The following ATAD3C variants were observed in gnomAD, a reference collection of about 807,000 sequenced individuals.
ATAD3C encodes ATPase family AAA domain containing 3C.
A neutral mutation model predicts 46.3 loss-of-function variants in ATAD3C; 38 were observed. The ratio of observed to expected loss-of-function variants is 0.82; its 90% CI spans 0.63 to 1.08. The LOEUF (loss-of-function observed/expected upper bound fraction) is 1.08, where lower values mean the gene tolerates loss of function less well. Among genes scored for constraint, ATAD3C ranks in the 50% least tolerant of loss-of-function variants. The probability of loss-of-function intolerance (pLI) is 0.00; values close to 1 mark genes in which losing one functional copy is unlikely to be tolerated. For synonymous variants in ATAD3C, 220 were observed against 236.4 expected, an observed-to-expected ratio of 0.93 and a Z score of 0.63; for missense variants, 563 against 572.7, an observed-to-expected ratio of 0.98 and a Z score of 0.17.
At chr1:1,455,609 G>A (rs894902769) in intron 5 of ATAD3C, 90 bp downstream of exon 5, 51 of 1,594,006 alleles carry the variant, frequency 3.2e-5, no homozygotes, top group African/African-American at 1.5e-4. Flanking sequence ...TCCTGGTGGC[G>A]CCCAGGATCT....
intron 8 of ATAD3C, among the ~76,000 whole-genome samples, chr1:1,458,199 G>C (rs1300530899): frequency 2.6e-5 from 4 of 151,684 alleles, no homozygotes. Context: ...CAGGCTGGTT[G>C]AGAACTCCTG....
rs781004374 is a variant in ATAD3C at position 1,455,868 on chromosome 1, C to T, written c.516C>T (p.His172=). The change falls in exon 6 of 12, where the codon CAC becomes CAT. Residue 172 remains histidine (H), a synonymous_variant. Coordinates refer to ENST00000378785, the MANE Select transcript of ATAD3C (RefSeq NM_001039211.3). ...NIKKNRGLYR[H]ILLYGPPGTG... ...AGAAGAACCGGGGCCTGTACAGGCA[C>T]ATCCTGCTGTACGGGCCACCAGGCA... 58 of 1,613,344 alleles carry T rather than the reference C, an allele frequency of 3.6e-5. 1 individual carries two copies. Among genetic ancestry groups the T allele is most frequent in the South Asian group, 3.5e-4 (32 of 91,016 alleles).
At position 1,457,033 on chromosome 1, in the gene ATAD3C, A is replaced by T. The variant is rs35334427; in HGVS notation, c.690-96A>T. The T allele has an allele frequency of 2.2e-5, 34 of 1,541,356 alleles. No homozygotes were observed. The East Asian group carries it at 7.0e-4, about 32-fold the overall frequency. ...TGGGGCAGAGCCTGACCCCGTGGGG[A>T]TCTGCCTGCTTGGCCTGCTCCTGCC... On this transcript the variant is annotated intron_variant, in intron 7 of 11. Transcript: ENST00000378785.
At position 1,455,477 on chromosome 1, in the gene ATAD3C, C is replaced by T. The variant is rs1396417744; in HGVS notation, c.396C>T (p.Leu132=). The change falls in exon 5 of 12, where the codon CTC becomes CTT. Residue 132 remains leucine, a synonymous_variant. Transcript: ENST00000378785. ...CCCTCCAGCAGGTCAGCCGGCGGCT[C>T]CTCAGTCGACCCCAGGACGTGCTGG... is the stretch of plus-strand genomic sequence containing the variant. The part of the protein sequence containing the change: ...RHPIQQVSRR[L]LSRPQDVLEG... 6.2e-7 allele frequency: 1 copy of T among 1,612,484 alleles called. No individual in the cohort carries two copies. The highest frequency in any genetic ancestry group is 1.3e-5 in the African/African-American group (1 of 74,818).
rs557580508 is a variant in ATAD3C at position 1,459,210 on chromosome 1, G to T, written c.791G>T (p.Arg264Leu). ...LRATLNAFLY[R>L]TGQHSNKFML... ...GCCACACTGAACGCCTTCCTGTACC[G>T]CACGGGCCAGCACAGCAACAAGTGA... Residue 264 changes from arginine to leucine, a missense_variant, in exon 9 of 12, where the codon CGC (arginine) becomes CTC (leucine). Arg to Leu is a moderately radical substitution (Grantham distance 102, BLOSUM62 -2). This residue lies in a region of ATAD3C where 273 missense variants were observed against 253.5 expected (regional missense o/e 1.08). Coordinates refer to ENST00000378785, the MANE Select transcript of ATAD3C (RefSeq NM_001039211.3). This position sits in a 1 kb window ranked among gnomAD's most constrained non-coding sequence, Gnocchi z 4.9. The T allele has an allele frequency of 6.2e-7, 1 of 1,612,296 alleles. No individual in the cohort carries two copies.
rs1638869028 is a variant in ATAD3C, at chr1:1,452,054, C to G, written c.84C>G (p.Val28=). 6.2e-7 allele frequency: 1 copy of G among 1,613,492 alleles called. No homozygotes were observed. The highest frequency in any genetic ancestry group is 1.3e-5 in the African/African-American group (1 of 74,934). The part of the protein sequence containing the change: ...LEQQSKLKQL[V]NEDLRKQEES... Reference sequence around the variant, plus strand: ...CTGCGGCTTCTTCTCAGCAACTTGTCAATGAGGATTTACGGAAGCAGGAGG... The same window carrying G: ...CTGCGGCTTCTTCTCAGCAACTTGTGAATGAGGATTTACGGAAGCAGGAGG... The change falls in exon 2 of 12, where the codon GTC becomes GTG. Residue 28 remains valine, a synonymous_variant. Transcript: ENST00000378785.
chr1:1,465,445 G>T (rs1639129851), intron 11 of ATAD3C, among the ~76,000 whole-genome samples: 1 of 151,274 alleles, frequency 6.6e-6, no homozygotes, highest in East Asian at 2.0e-4. Context: ...CAAAAAATTA[G>T]CCGGGCGTGG....
chr1:1,452,067 C>G lies in ATAD3C; in HGVS notation c.97C>G (p.Arg33Gly). 1 of 1,613,648 alleles carries G rather than the reference C, an allele frequency of 6.2e-7. No individual in the cohort carries two copies. Among genetic ancestry groups the G allele is most frequent in the Admixed American group, 1.7e-5 (1 of 59,984 alleles). The change falls in exon 2 of 12, where the codon CGG becomes GGG. Residue 33 changes from arginine to glycine, a missense_variant. Arg to Gly is a moderately radical substitution (Grantham distance 125). Transcript: ENST00000378785. ...KLKQLVNEDL[R>G]KQEESVQKHH... is the part of the protein sequence containing the mutation. ...TCAGCAACTTGTCAATGAGGATTTA[C>G]GGAAGCAGGAGGAGTCCGTGCAGAA...
At position 1,469,802 on chromosome 1, in the gene ATAD3C, A is replaced by G. The variant is rs1036220168; in HGVS notation, c.*1272A>G. On this transcript the variant is annotated 3_prime_UTR_variant, in exon 12 of 12. Transcript: ENST00000378785. ...CTCTGGGCCCAAGCTAAGCCATCAT[A>G]TCTCCTGTGACCTGCACTTATACAT... 4.0e-5 allele frequency: 6 copies of G among 151,506 alleles called. No homozygotes were observed. Among genetic ancestry groups the G allele is most frequent in the Non-Finnish European group, 5.9e-5 (4 of 67,956 alleles). The allele number at this position is 151,506 out of a possible 1,614,324, so 9.4% of individuals were successfully genotyped here.
chr1:1,455,565 C>T (rs531425602), intron 5 of ATAD3C, 46 bp downstream of exon 5: 97 of 1,610,804 alleles, frequency 6.0e-5, no homozygotes, highest in East Asian at 4.2e-4. Context: ...GAGGGGACCC[C>T]GGAGCTGGGC....
intron 11 of ATAD3C, among the ~76,000 whole-genome samples, chr1:1,465,962 G>A (rs1332340456): frequency 5.3e-5 from 8 of 152,026 alleles, no homozygotes; most frequent in Non-Finnish European, 7.4e-5. Context: ...TGTTTAGGGC[G>A]TGTCCTTCAA....
intron 11 of ATAD3C, among the ~76,000 whole-genome samples, chr1:1,467,812 G>T (rs887015918): frequency 1.3e-5 from 2 of 151,996 alleles, no homozygotes; most frequent in African/African-American, 4.8e-5. Context: ...CATGGCAGAA[G>T]GGCTGGACCT....
chr1:1,455,109 C>G (rs987843437), intron 4 of ATAD3C, among the ~76,000 whole-genome samples: 4 of 148,342 alleles, frequency 2.7e-5, no homozygotes, highest in East Asian at 4.0e-4. Flanking sequence ...CCCAGCTACT[C>G]GGGAGGCTGA....
intron 1 of ATAD3C, among the ~76,000 whole-genome samples, chr1:1,451,572 C>A (rs1461967874): frequency 6.6e-6 from 1 of 151,742 alleles, no homozygotes. Flanking sequence ...GTTTTGAACT[C>A]CTGACCTCAA....
At position 1,458,261 on chromosome 1, in the gene ATAD3C, G is replaced by A. The variant is rs377499120; in HGVS notation, c.742-900G>A. On this transcript the variant is annotated intron_variant, in intron 8 of 11. Coordinates refer to ENST00000378785, the MANE Select transcript of ATAD3C (RefSeq NM_001039211.3). ...CTCCCAAAATGCTGGGATTACATGC[G>A]TGATCCACCACCCCCAGCCATACAG... Among the ~76,000 whole-genome samples the A allele has an allele frequency of 5.9e-5, 9 of 151,516 alleles. No individual in the cohort carries two copies. The East Asian group carries it at 1.6e-3, about 26-fold the overall frequency.
At chr1:1,451,424 G>A (rs902746178) in intron 1 of ATAD3C, among the ~76,000 whole-genome samples, 3 of 151,648 alleles carry the variant, frequency 2.0e-5, no homozygotes, top group Non-Finnish European at 2.9e-5. Context: ...TCAGCTCACC[G>A]CAACCTCTGC....
chr1:1,454,595 C>T (rs1638921349), intron 4 of ATAD3C, 95 bp downstream of exon 4: 4 of 1,479,440 alleles, frequency 2.7e-6, no homozygotes, highest in Non-Finnish European at 3.6e-6. Flanking sequence ...CCTGTCCCTT[C>T]CCTTTCCCCG....
intron 11 of ATAD3C, among the ~76,000 whole-genome samples, chr1:1,464,120 T>A (rs1639110739): frequency 6.7e-6 from 1 of 149,930 alleles, no homozygotes; most frequent in Admixed American, 6.7e-5. Flanking sequence ...GGCAGGAGAA[T>A]CGCTTGAACC....
rs931432774 is a variant in ATAD3C at position 1,461,289 on chromosome 1, G to A, written c.980+372G>A. ...TGCAACCCCTGCCTCCTGGATTCAC[G>A]CGATTCTCCTGCATCAGCCTCCTGA... On this transcript the variant is annotated intron_variant, in intron 10 of 11. Transcript: ENST00000378785. Among the ~76,000 whole-genome samples the A allele has an allele frequency of 3.9e-5, 6 of 151,926 alleles. 1 individual carries two copies. The highest frequency in any genetic ancestry group is 2.0e-4 in the Admixed American group (3 of 15,226).
Sources: allele counts gnomAD v4.1 joint callset (sites outside exome capture counted in the v4.1 genomes callset), GRCh38; gene constraint gnomAD v4.1.1; regional missense constraint gnomAD v4.1.1; non-coding constraint Gnocchi (gnomAD v3.1); transcripts MANE v1.5; gene names NCBI Gene and HGNC (gene_info 2026-07-23, HGNC 2026-07-21).